The following SUDS3 variants were observed in gnomAD, a reference collection of about 807,000 sequenced individuals.
The protein encoded by SUDS3 is sin3 histone deacetylase corepressor complex component SDS3.
SUDS3 carries 23 observed loss-of-function variants against 53.5 expected under a neutral mutation model. The observed-to-expected ratio is 0.43, with a 90% CI of 0.31 to 0.61. The LOEUF (loss-of-function observed/expected upper bound fraction) is 0.61. SUDS3 is among the 20% of genes least tolerant of loss of function. SUDS3 has a pLI of 0.10. For missense variants in SUDS3, 291 were observed against 405.9 expected (o/e 0.72, Z 2.43); for synonymous variants, 150 against 148.5 (o/e 1.01, Z -0.08).
chr12:118,383,897 C>T, intron 2 of SUDS3, 115 bp from the exon 3 acceptor site: 1 of 886,672 alleles, frequency 1.1e-6, no homozygotes. Context: ...CCTCTCTTCC[C>T]TGAAGGACAT....
intron 10 of SUDS3, among the ~76,000 whole-genome samples, chr12:118,409,806 T>C (rs1166167290): frequency 6.6e-6 from 1 of 152,272 alleles, no homozygotes; most frequent in Non-Finnish European, 1.5e-5. Flanking sequence ...CTTCCAACTC[T>C]TGTAATCCAG....
In SUDS3 at chr12:118,414,397, C is replaced by T. The variant is rs147756379; in HGVS notation, c.951C>T (p.Arg317=). Residue 317 remains arginine (R), a synonymous_variant, in exon 12 of 12, where the codon CGC becomes CGT. Coordinates refer to ENST00000543473, the MANE Select transcript of SUDS3 (RefSeq NM_022491.3). ...GGATCTACCTGGGCCAGCTTCAGCG[C>T]GGGCTCTTCGTGATCCGCCGGCGCT... ...KMRIYLGQLQ[R]GLFVIRRRSA... is the part of the protein sequence containing the mutation. 5.8e-3 allele frequency: 9,347 copies of T among 1,602,612 alleles called. 48 individuals carry two copies. Among genetic ancestry groups the T allele is most frequent in the Non-Finnish European group, 6.8e-3 (7,977 of 1,174,820 alleles).
At chr12:118,379,285 A>G (rs1385065475) in intron 1 of SUDS3, among the ~76,000 whole-genome samples, 1 of 152,034 alleles carries the variant, frequency 6.6e-6, no homozygotes, top group Non-Finnish European at 1.5e-5. Flanking sequence ...AAAAATACAA[A>G]AAGTAGCCGG....
At chr12:118,414,161 G>A (rs1241539344) in intron 11 of SUDS3, among the ~76,000 whole-genome samples, 174 bp from the exon 12 acceptor site, 3 of 152,210 alleles carry the variant, frequency 2.0e-5, no homozygotes, top group Non-Finnish European at 4.4e-5. Flanking sequence ...CATGCCTTTA[G>A]ATGGCCCGAG....
Position 118,416,507 on chromosome 12 carries a change from C to T in SUDS3, c.*2074C>T, listed in dbSNP as rs770795856. On this transcript the variant is annotated 3_prime_UTR_variant, in exon 12 of 12. Coordinates refer to ENST00000543473, the MANE Select transcript of SUDS3 (RefSeq NM_022491.3). Reference sequence around the variant, plus strand: ...TTGAGGGCGCCCTTAGTCATAGTCTCGACTCCGCCATTGCCTTCTCCTCGG... The same window carrying T: ...TTGAGGGCGCCCTTAGTCATAGTCTTGACTCCGCCATTGCCTTCTCCTCGG... The T allele has an allele frequency of 2.0e-5, 3 of 152,120 alleles. No individual in the cohort carries two copies. Among genetic ancestry groups the T allele is most frequent in the East Asian group, 1.9e-4 (1 of 5,198 alleles). 9.4% of individuals were successfully genotyped at this position (152,120 alleles called of 1,614,324 possible).
chr12:118,386,142 G>T lies in SUDS3; in HGVS notation c.297G>T (p.Met99Ile). Residue 99 changes from methionine to isoleucine, a missense_variant, in exon 4 of 12, where the codon ATG (methionine) becomes ATT (isoleucine). Coordinates refer to ENST00000543473, the MANE Select transcript of SUDS3 (RefSeq NM_022491.3). The stretch of plus-strand genomic sequence containing the variant: ...CATTACAGGAATATCAGAAGAGAAT[G>T]AAAAAACTAGATCAGCAGTACAAAG... Reference protein sequence around the residue: ...EGTLQEYQKRMKKLDQQYKER... With the variant: ...EGTLQEYQKRIKKLDQQYKER... 6.2e-7 allele frequency: 1 copy of T among 1,601,360 alleles called. No individual in the cohort carries two copies. Among genetic ancestry groups the T allele is most frequent in the South Asian group, 1.1e-5 (1 of 88,226 alleles).
In SUDS3 at chr12:118,414,442, A is replaced by G. The variant is rs751502571; in HGVS notation, c.*9A>G. 3.2e-6 allele frequency: 5 copies of G among 1,568,206 alleles called. No homozygotes were observed. In the South Asian group the frequency reaches 4.7e-5, roughly 15 times the overall value. The stretch of plus-strand genomic sequence containing the variant: ...GGCGCTCAGCTGCTTGACTTTCTAC[A>G]GTGCTCTTCTCTTGACCCTTTTTCT... On this transcript the variant is annotated 3_prime_UTR_variant, in exon 12 of 12. Coordinates refer to ENST00000543473, the MANE Select transcript of SUDS3 (RefSeq NM_022491.3).
rs934440024 is a variant in SUDS3 at position 118,400,654 on chromosome 12, C to T, written c.518-5C>T. 3.7e-6 allele frequency: 6 copies of T among 1,613,612 alleles called. No homozygotes were observed. Among genetic ancestry groups the T allele is most frequent in the Non-Finnish European group, 4.2e-6 (5 of 1,179,752 alleles). On this transcript the variant is annotated splice_polypyrimidine_tract_variant and splice_region_variant and intron_variant, in intron 6 of 11. Transcript: ENST00000543473. ...ATAGATTTACCCATTCCATTCTTGC[C>T]ACAGATTCTATGGAGGTGAAACCTA...
At chr12:118,400,573 G>A (rs1566205610) in intron 6 of SUDS3, 86 bp from the exon 7 acceptor site, 3 of 1,254,642 alleles carry the variant, frequency 2.4e-6, no homozygotes, top group East Asian at 4.7e-5. Context: ...TTGGGTGGCT[G>A]GGGGGCAGAT....
intron 6 of SUDS3, among the ~76,000 whole-genome samples, chr12:118,396,103 C>T (rs1053273389): frequency 1.3e-5 from 2 of 152,166 alleles, no homozygotes; most frequent in Non-Finnish European, 2.9e-5. Flanking sequence ...ATGATGTCTG[C>T]TAGGATTGCT....
Position 118,414,594 on chromosome 12 carries a change from C to T in SUDS3, c.*161C>T. Reference sequence around the variant, plus strand: ...TGAATTCTTTAGGGCACTTTTGTGGCCGGATGCTTCCAACTTTGTCAGTCT... The same window carrying T: ...TGAATTCTTTAGGGCACTTTTGTGGTCGGATGCTTCCAACTTTGTCAGTCT... On this transcript the variant is annotated 3_prime_UTR_variant, in exon 12 of 12. Transcript: ENST00000543473. 1.9e-6 allele frequency: 1 copy of T among 518,084 alleles called. No individual in the cohort carries two copies. The allele number at this position is 518,084 out of a possible 1,614,324, so 32.1% of individuals were successfully genotyped here. A position where few individuals can be genotyped will look rare whatever the true frequency, so the allele number is the denominator to read the frequency against.
chr12:118,386,085 A>G, intron 3 of SUDS3, 29 bp from the exon 4 acceptor site: 1 of 1,515,926 alleles, frequency 6.6e-7, no homozygotes, highest in Non-Finnish European at 9.0e-7. Flanking sequence ...TATTCACAAT[A>G]ATTTTATTTT....
chr12:118,391,274 T>C lies in SUDS3; in HGVS notation c.509T>C (p.Leu170Pro). Residue 170 changes from leucine (L) to proline (P), a missense_variant, in exon 6 of 12, where the codon CTG (leucine) becomes CCG (proline). This residue lies in a region of SUDS3 where 55 missense variants were observed against 124.2 expected (regional missense o/e 0.44). Coordinates refer to ENST00000543473, the MANE Select transcript of SUDS3 (RefSeq NM_022491.3). ...GAAAATGAAAAGCTGACAATGGAAC[T>C]GACTGGAGGTAGGAAAGCCCTATGG... Reference protein sequence around the residue: ...MIENEKLTMELTGDSMEVKPI... With the variant: ...MIENEKLTMEPTGDSMEVKPI... 1 of 1,609,752 alleles carries C rather than the reference T, an allele frequency of 6.2e-7. No individual in the cohort carries two copies. Among genetic ancestry groups the C allele is most frequent in the Non-Finnish European group, 8.5e-7 (1 of 1,178,744 alleles).
intron 2 of SUDS3, among the ~76,000 whole-genome samples, chr12:118,382,338 G>A (rs571510544): frequency 9.9e-5 from 15 of 151,974 alleles, no homozygotes; most frequent in African/African-American, 2.2e-4. Flanking sequence ...CTGAGCCATC[G>A]TGCCAGGCCA....
chr12:118,393,960 C>T lies in SUDS3; in HGVS notation c.517+2678C>T, dbSNP rs537457836. ...TGCTGGGATTGTAGGTGTGAGCCAC[C>T]GTGCCCCGGCTGAGATCCTGCATTT... is the stretch of plus-strand genomic sequence containing the variant. On this transcript the variant is annotated intron_variant, in intron 6 of 11. Transcript: ENST00000543473. Among the ~76,000 whole-genome samples, 26 of 151,868 alleles carry T rather than the reference C, an allele frequency of 1.7e-4. No homozygotes were observed. In the East Asian group the frequency reaches 4.7e-3, roughly 27 times the overall value.
intron 7 of SUDS3, among the ~76,000 whole-genome samples, chr12:118,401,135 C>G (rs1466604649): frequency 6.6e-6 from 1 of 152,134 alleles, no homozygotes; most frequent in Non-Finnish European, 1.5e-5. Context: ...CTTTATGTAC[C>G]TCTGTTATCT....
At chr12:118,405,813 A>C (rs1310358256) in intron 10 of SUDS3, among the ~76,000 whole-genome samples, 2 of 152,124 alleles carry the variant, frequency 1.3e-5, no homozygotes, top group Admixed American at 1.3e-4. Flanking sequence ...CTTTTGTATC[A>C]GTTTGGAGGT....
In SUDS3 at chr12:118,417,985, A is replaced by G. The variant is rs1375049360; in HGVS notation, c.*3552A>G. The G allele has an allele frequency of 6.6e-6, 1 of 152,174 alleles. No homozygotes were observed. The highest frequency in any genetic ancestry group is 2.4e-5 in the African/African-American group (1 of 41,440). The allele number at this position is 152,174 out of a possible 1,614,324, so 9.4% of individuals were successfully genotyped here. ...AGTCATTAAAAATCAAGTGAATAGA[A>G]TGGATCTTGGGTGGAAAAACAATCT... is the stretch of plus-strand genomic sequence containing the variant. On this transcript the variant is annotated 3_prime_UTR_variant, in exon 12 of 12. Transcript: ENST00000543473.
At chr12:118,392,695 G>A (rs1189409728) in intron 6 of SUDS3, among the ~76,000 whole-genome samples, 1 of 152,188 alleles carries the variant, frequency 6.6e-6, no homozygotes, top group Non-Finnish European at 1.5e-5. Context: ...TCTGACAGTG[G>A]CTGTGACTGG....
Sources: gnomAD v4.1 joint callset for allele counts (sites outside exome capture counted in the v4.1 genomes callset) on GRCh38, gnomAD v4.1.1 for gene constraint, gnomAD v4.1.1 regional missense constraint, MANE v1.5 for transcripts, NCBI Gene and HGNC (gene_info 2026-07-23, HGNC 2026-07-21) for gene names.